The following RFX4 variants were observed in gnomAD, a reference collection of about 807,000 sequenced individuals.
RFX4 encodes the protein transcription factor RFX4.
Under a neutral mutation model 95.0 loss-of-function variants are expected in RFX4, and 10 were observed. That is an observed-to-expected ratio of 0.11 (90% CI 0.06 to 0.18). The LOEUF (loss-of-function observed/expected upper bound fraction) is 0.18. Among genes scored for constraint, RFX4 ranks in the 10% least tolerant of loss-of-function variants. The probability of loss-of-function intolerance (pLI) is 1.00; values close to 1 mark genes in which losing one functional copy is unlikely to be tolerated. For missense variants in RFX4, 640 were observed against 922.0 expected (o/e 0.69, Z 3.96); for synonymous variants, 321 against 340.7 (o/e 0.94, Z 0.64).
chr12:106,604,748 T>G (rs900121405), intron 1 of RFX4, among the ~76,000 whole-genome samples: 1 of 152,196 alleles, frequency 6.6e-6, no homozygotes, highest in Non-Finnish European at 1.5e-5. Flanking sequence ...AGTTCTAAAC[T>G]GAAGAGGCTG....
chr12:106,677,786 G>A (rs2041423949), intron 4 of RFX4, among the ~76,000 whole-genome samples: 2 of 152,104 alleles, frequency 1.3e-5, no homozygotes, highest in Admixed American at 1.3e-4. Flanking sequence ...ATGTTTCTGT[G>A]GTCCAGGCAG....
intron 2 of RFX4, among the ~76,000 whole-genome samples, chr12:106,631,517 A>G (rs1383108603): frequency 6.6e-6 from 1 of 152,210 alleles, no homozygotes; most frequent in East Asian, 1.9e-4. Flanking sequence ...GGGTTAGGTC[A>G]TGAAGGCTCA....
At position 106,648,280 on chromosome 12, in the gene RFX4, C is replaced by T. The variant is rs552811453; in HGVS notation, c.192-5948C>T. ...CCCCTGCGGTAGGAAGGTGATGGAT[C>T]GTGTGTGTGGGTGGAAGGTGACAAG... On this transcript the variant is annotated intron_variant, in intron 3 of 17. Transcript: ENST00000392842. 4.6e-5 allele frequency among the ~76,000 whole-genome samples: 7 copies of T among 152,028 alleles called. No individual in the cohort carries two copies. The South Asian group carries it at 6.2e-4, about 14-fold the overall frequency.
intron 4 of RFX4, among the ~76,000 whole-genome samples, chr12:106,666,169 G>GT (rs1380715051): frequency 6.6e-6 from 1 of 151,842 alleles, no homozygotes; most frequent in Admixed American, 6.6e-5. Context: ...AGGTTGGTAG[G>GT]TTTTTTCCTC....
rs973984042 is a variant in RFX4 at position 106,586,345 on chromosome 12, G to A, written c.43+2982G>A. ...CCACGCGGGCCACCGGCAGCTACGT[G>A]TTTGTGGCCGCCGGGTCCAATCAGG... is the stretch of plus-strand genomic sequence containing the variant. On this transcript the variant is annotated intron_variant, in intron 1 of 17. Transcript: ENST00000392842. The surrounding 1 kb of genome is among the most constrained non-coding windows in gnomAD (Gnocchi z 5.6). Among the ~76,000 whole-genome samples the A allele has an allele frequency of 6.6e-6, 1 of 152,138 alleles. No individual in the cohort carries two copies. The highest frequency in any genetic ancestry group is 1.5e-5 in the Non-Finnish European group (1 of 68,012).
chr12:106,596,592 A>T (rs1427892429), intron 1 of RFX4, among the ~76,000 whole-genome samples: 1 of 152,234 alleles, frequency 6.6e-6, no homozygotes, highest in Admixed American at 6.5e-5. Context: ...CACCTGGTAA[A>T]ACCAGTAAGA....
At chr12:106,634,331 G>A (rs982253640) in intron 2 of RFX4, among the ~76,000 whole-genome samples, 4 of 152,082 alleles carry the variant, frequency 2.6e-5, no homozygotes, top group Non-Finnish European at 5.9e-5. Context: ...CTTTGCCCCT[G>A]TAAATCTTCC....
In RFX4 at chr12:106,720,070, C is replaced by A. The variant is rs888805645; in HGVS notation, c.1233+16C>A. 6.8e-6 allele frequency: 11 copies of A among 1,610,736 alleles called. No individual in the cohort carries two copies. Among genetic ancestry groups the A allele is most frequent in the Non-Finnish European group, 9.3e-6 (11 of 1,177,274 alleles). On this transcript the variant is annotated intron_variant, in intron 12 of 17. Coordinates refer to ENST00000392842, the MANE Select transcript of RFX4 (RefSeq NM_213594.3). This position sits in a 1 kb window ranked among gnomAD's most constrained non-coding sequence, Gnocchi z 4.2. ...TGTTGTGAAGGTTGGTAAACCGGCA[C>A]CTAGCGGGCAGCCTTGGGCCCTGCA... is the stretch of plus-strand genomic sequence containing the variant.
intron 2 of RFX4, among the ~76,000 whole-genome samples, chr12:106,611,248 C>T (rs968085877): frequency 6.6e-6 from 1 of 152,182 alleles, no homozygotes; most frequent in East Asian, 1.9e-4. Flanking sequence ...ATATTTCCTC[C>T]TATTCCATGG....
At chr12:106,589,718 C>A (rs1352756432) in intron 1 of RFX4, among the ~76,000 whole-genome samples, 2 of 152,144 alleles carry the variant, frequency 1.3e-5, no homozygotes, top group African/African-American at 4.8e-5. Flanking sequence ...GGATTTGAAT[C>A]CCACTTGGTG....
chr12:106,710,816 C>T (rs2137498171), intron 9 of RFX4, among the ~76,000 whole-genome samples: 1 of 152,316 alleles, frequency 6.6e-6, no homozygotes, highest in East Asian at 1.9e-4. Flanking sequence ...CATGTCTTGT[C>T]TGCGTTGAAA....
intron 4 of RFX4, among the ~76,000 whole-genome samples, chr12:106,672,694 A>G (rs979630204): frequency 1.3e-5 from 2 of 151,088 alleles, no homozygotes; most frequent in African/African-American, 4.9e-5. Context: ...TTTCAGATTC[A>G]GGGACCAGTT....
chr12:106,686,969 G>C lies in RFX4; in HGVS notation c.463G>C (p.Glu155Gln). 6.2e-7 allele frequency: 1 copy of C among 1,613,934 alleles called. No individual in the cohort carries two copies. Among genetic ancestry groups the C allele is most frequent in the Non-Finnish European group, 8.5e-7 (1 of 1,179,992 alleles). ...YSKKGAAWVSETGKKEVSKQT... is the reference protein window; with the variant it reads ...YSKKGAAWVSQTGKKEVSKQT... ...CAAGAAAGGAGCTGCCTGGGTGAGT[G>C]AGACGGGCAAGAAAGAAGTGAGCAA... Residue 155 changes from glutamate to glutamine, a missense_variant, in exon 6 of 18, where the codon GAG (glutamate) becomes CAG (glutamine). Around this residue, in one of 7 missense-constraint regions of RFX4, gnomAD observed 89 missense variants for 173.8 expected, o/e 0.51. Transcript: ENST00000392842.
At chr12:106,635,860 A>G (rs947935864) in intron 2 of RFX4, among the ~76,000 whole-genome samples, 1 of 152,210 alleles carries the variant, frequency 6.6e-6, no homozygotes, top group Non-Finnish European at 1.5e-5. Context: ...CAGAGATATA[A>G]GGAGTGCCTC....
At chr12:106,653,899 C>A (rs113862505) in intron 3 of RFX4, among the ~76,000 whole-genome samples, 24 of 152,270 alleles carry the variant, frequency 1.6e-4, no homozygotes, top group African/African-American at 5.3e-4. Context: ...ACCCACAAGA[C>A]CCTATGTAGT....
chr12:106,733,111 T>C (rs1210475783), intron 15 of RFX4, 26 bp downstream of exon 15: 1 of 1,611,666 alleles, frequency 6.2e-7, no homozygotes, highest in Non-Finnish European at 8.5e-7. Context: ...TCAAAAACTT[T>C]GGGTAGTTAA....
intron 4 of RFX4, among the ~76,000 whole-genome samples, chr12:106,663,057 A>G (rs1044021286): frequency 6.6e-6 from 1 of 152,090 alleles, no homozygotes; most frequent in African/African-American, 2.4e-5. Context: ...TAGCCTTTCC[A>G]TAGAAACATT....
chr12:106,654,164 A>C, intron 3 of RFX4, 64 bp from the exon 4 acceptor site: 1 of 1,608,266 alleles, frequency 6.2e-7, no homozygotes, highest in Non-Finnish European at 8.5e-7. Context: ...GACTAGAAAG[A>C]ACAGACCGTT....
At chr12:106,690,401 G>A (rs4964481) in intron 7 of RFX4, among the ~76,000 whole-genome samples, 30,502 of 151,988 alleles carry the variant, frequency 0.2, 3,449 homozygotes, top group South Asian at 0.28. Context: ...TTCGAACTGC[G>A]GTTTGGCTCT....
Sources: gnomAD v4.1 joint callset for allele counts (sites outside exome capture counted in the v4.1 genomes callset) on GRCh38, gnomAD v4.1.1 for gene constraint, gnomAD v4.1.1 regional missense constraint, Gnocchi (gnomAD v3.1) non-coding constraint, MANE v1.5 for transcripts, NCBI Gene and HGNC (gene_info 2026-07-23, HGNC 2026-07-21) for gene names.